The following LYRM4 variants were observed in gnomAD, a reference collection of about 807,000 sequenced individuals.
LYRM4 encodes the protein LYR motif-containing protein 4.
In LYRM4, 9 loss-of-function variants were observed where a neutral mutation model predicts 11.7. That is an observed-to-expected ratio of 0.77 (90% CI 0.46 to 1.34). LYRM4 has a LOEUF of 1.34. Among genes scored for constraint, LYRM4 ranks in the 40% most tolerant of loss-of-function variants. The pLI, the probability that LYRM4 is intolerant of heterozygous loss-of-function variation, is 0.00. For missense variants in LYRM4, 133 were observed against 112.5 expected, an observed-to-expected ratio of 1.18 and a Z score of -0.82; for synonymous variants, 42 against 40.4, an observed-to-expected ratio of 1.04 and a Z score of -0.15.
chr6:5,258,472 T>C (rs1012536787), intron 1 of LYRM4, among the ~76,000 whole-genome samples: 1 of 152,208 alleles, frequency 6.6e-6, no homozygotes, highest in African/African-American at 2.4e-5. Context: ...GAACATAAGA[T>C]AGCAGTGGCA....
chr6:5,083,078 G>A, the LYRM4 span, among the ~76,000 whole-genome samples: 2 of 152,166 alleles, frequency 1.3e-5, no homozygotes, highest in Non-Finnish European at 2.9e-5. Context: ...GCACAGAGGA[G>A]GGTGGGCCGG....
intron 2 of LYRM4, among the ~76,000 whole-genome samples, chr6:5,202,892 T>G (rs1166487972): frequency 6.6e-6 from 1 of 152,186 alleles, no homozygotes; most frequent in Non-Finnish European, 1.5e-5. Flanking sequence ...TTATAGCATA[T>G]AATTCATTTG....
chr6:5,140,222 T>C (rs1185451468), intron 2 of LYRM4, among the ~76,000 whole-genome samples: 1 of 151,724 alleles, frequency 6.6e-6, no homozygotes, highest in Non-Finnish European at 1.5e-5. Context: ...AGCGAGACCC[T>C]GTCTCAAAAG....
At chr6:5,173,442 T>C (rs79311036) in intron 2 of LYRM4, among the ~76,000 whole-genome samples, 2,005 of 152,354 alleles carry the variant, frequency 0.013, 38 homozygotes, top group African/African-American at 0.044. Flanking sequence ...GTAGGGCTAA[T>C]GAATCACGAA....
chr6:5,117,813 C>T (rs1763191669), intron 2 of LYRM4, among the ~76,000 whole-genome samples: 1 of 151,988 alleles, frequency 6.6e-6, no homozygotes, highest in Admixed American at 6.6e-5. Context: ...GGCTGTAGTG[C>T]TCTACGATCT....
rs114202039 is a variant in LYRM4 at position 5,259,953 on chromosome 6, G to C, written c.86+695C>G. Among the ~76,000 whole-genome samples the C allele has an allele frequency of 4.2e-3, 633 of 152,268 alleles. 2 individuals are homozygous for C. The highest frequency in any genetic ancestry group is 0.015 in the African/African-American group (604 of 41,538). On this transcript the variant is annotated intron_variant, in intron 1 of 2. Transcript: ENST00000330636. ...ACAATAAAAGACTCATAGGCAAATA[G>C]GGGAGTGGGGAGGCGTGAGAAAAAG...
the LYRM4 span, among the ~76,000 whole-genome samples, chr6:5,040,421 G>C: frequency 4.0e-5 from 6 of 151,628 alleles, no homozygotes; most frequent in Non-Finnish European, 7.4e-5. Context: ...AAGAAAGAAG[G>C]CTGGGCATGG....
intron 2 of LYRM4, among the ~76,000 whole-genome samples, chr6:5,179,072 A>AAC (rs1759914165): frequency 4.9e-5 from 4 of 81,470 alleles, no homozygotes; most frequent in East Asian, 4.8e-4. Context: ...AAACAAAAAA[A>AAC]AAAAAAAAAA....
At chr6:5,145,754 C>T (rs1338007734) in intron 2 of LYRM4, among the ~76,000 whole-genome samples, 2 of 152,188 alleles carry the variant, frequency 1.3e-5, no homozygotes, top group Non-Finnish European at 2.9e-5. Context: ...GCCCACTTCA[C>T]GTGGTCTTAT....
At chr6:5,113,502 A>G in intron 2 of LYRM4, 1 of 316,048 alleles carries the variant, frequency 3.2e-6, no homozygotes, top group Non-Finnish European at 6.4e-6. Flanking sequence ...CCAGAGGAAT[A>G]CGTGGGTGCT....
chr6:5,056,288 C>T, the LYRM4 span, among the ~76,000 whole-genome samples: 1 of 152,148 alleles, frequency 6.6e-6, no homozygotes, highest in Admixed American at 6.5e-5. Flanking sequence ...AAAATCCAGC[C>T]TCGGATAGAT....
the LYRM4 span, among the ~76,000 whole-genome samples, chr6:5,058,974 G>A: frequency 6.6e-6 from 1 of 152,306 alleles, no homozygotes; most frequent in Non-Finnish European, 1.5e-5. Context: ...TGAAAAGCAA[G>A]CAAGACCTCT....
chr6:5,157,366 G>T (rs1581399920), intron 2 of LYRM4, among the ~76,000 whole-genome samples: 2 of 152,266 alleles, frequency 1.3e-5, no homozygotes, highest in East Asian at 3.9e-4. Context: ...GTAGGTTATT[G>T]CCAGGTTCGG....
At chr6:5,092,775 GT>G in the LYRM4 span, among the ~76,000 whole-genome samples, 26,635 of 152,132 alleles carry the variant, frequency 0.18, 3,429 homozygotes, top group African/African-American at 0.37. Context: ...GAGGCATTCT[GT>G]TTGTGTTCCT....
Position 5,260,631 on chromosome 6 carries a change from G to T in LYRM4, c.86+17C>A, listed in dbSNP as rs1246509698. ...CCCTGGCCCCCCGCCCCCGGCCCCC[G>T]GTGCCCGCTGGGTCACCTGTAATTG... On this transcript the variant is annotated intron_variant, in intron 1 of 2. Coordinates refer to ENST00000330636, the MANE Select transcript of LYRM4 (RefSeq NM_020408.6). 6 of 778,890 alleles carry T rather than the reference G, an allele frequency of 7.7e-6. No homozygotes were observed. The East Asian group carries it at 2.9e-4, about 37-fold the overall frequency. 48.2% of individuals were successfully genotyped at this position (778,890 alleles called of 1,614,324 possible). A position where few individuals can be genotyped will look rare whatever the true frequency, so the allele number is the denominator to read the frequency against.
chr6:5,050,660 C>CA, the LYRM4 span, among the ~76,000 whole-genome samples: 1 of 151,824 alleles, frequency 6.6e-6, no homozygotes, highest in Admixed American at 6.6e-5. Context: ...GGTGCAGGCT[C>CA]AAAAAAAGAT....
chr6:5,165,520 G>C (rs936074834), intron 2 of LYRM4, among the ~76,000 whole-genome samples: 3 of 149,702 alleles, frequency 2.0e-5, no homozygotes, highest in African/African-American at 4.9e-5. Context: ...TGTAACAAAT[G>C]CAAGTTTATT....
chr6:5,233,722 C>T (rs1158100272), intron 1 of LYRM4, among the ~76,000 whole-genome samples: 7 of 152,206 alleles, frequency 4.6e-5, no homozygotes, highest in Admixed American at 6.5e-5. Flanking sequence ...CTGATCCTCC[C>T]GCCTCAGCCT....
chr6:5,210,713 C>G (rs1467872024), intron 2 of LYRM4, among the ~76,000 whole-genome samples: 5 of 152,150 alleles, frequency 3.3e-5, no homozygotes, highest in African/African-American at 4.8e-5. Flanking sequence ...ATTCTACTTT[C>G]AATTTCTACA....
Sources: allele counts gnomAD v4.1 joint callset (sites outside exome capture counted in the v4.1 genomes callset), GRCh38; gene constraint gnomAD v4.1.1; transcripts MANE v1.5; gene names NCBI Gene and HGNC (gene_info 2026-07-23, HGNC 2026-07-21).